CELF1: variants seen among roughly 807,000 people sequenced by gnomAD.
The protein encoded by CELF1 is CUGBP Elav-like family member 1.
In CELF1, 10 loss-of-function variants were observed where a neutral mutation model predicts 61.8. The ratio of observed to expected loss-of-function variants is 0.16; its 90% CI spans 0.10 to 0.27. The LOEUF is 0.27. Among genes scored for constraint, CELF1 ranks in the 10% least tolerant of loss-of-function variants. The pLI, the probability that CELF1 is intolerant of heterozygous loss-of-function variation, is 1.00. For synonymous variants in CELF1, 236 were observed against 225.1 expected, an observed-to-expected ratio of 1.05 and a Z score of -0.43; for missense variants, 380 against 639.1, an observed-to-expected ratio of 0.59 and a Z score of 4.37.
At chr11:47,498,921 A>C (rs1406177051) in intron 3 of CELF1, among the ~76,000 whole-genome samples, 2 of 151,072 alleles carry the variant, frequency 1.3e-5, no homozygotes, top group African/African-American at 4.9e-5. Context: ...TGTATTTTCA[A>C]TTAGACTCGG....
intron 1 of CELF1, among the ~76,000 whole-genome samples, chr11:47,530,403 AAAC>A (rs1206067736): frequency 6.6e-6 from 1 of 152,230 alleles, no homozygotes; most frequent in East Asian, 1.9e-4. Flanking sequence ...AAGGCTTAAA[AAAC>A]AAGATTGCTA....
chr11:47,501,662 C>A (rs11039265), intron 1 of CELF1, among the ~76,000 whole-genome samples: 42,274 of 148,440 alleles, frequency 0.28, 6,890 homozygotes, highest in Admixed American at 0.37. Flanking sequence ...TAAAAAATAT[C>A]AAAAAAAAAA....
At chr11:47,558,562 A>AT in intron 2 of CELF1, among the ~76,000 whole-genome samples, 1 of 113,842 alleles carries the variant, frequency 8.8e-6, no homozygotes, top group Admixed American at 1.2e-4. Context: ...ATATATTTAT[A>AT]TATAATATAT....
intron 1 of CELF1, among the ~76,000 whole-genome samples, chr11:47,549,817 TTTG>T (rs1326992178): frequency 2.2e-5 from 3 of 134,790 alleles, no homozygotes; most frequent in East Asian, 2.2e-4. Flanking sequence ...GTGGGTTTTT[TTTG>T]TTTTTTTTTT....
intron 3 of CELF1, among the ~76,000 whole-genome samples, chr11:47,497,436 G>A (rs934432496): frequency 1.3e-5 from 2 of 152,158 alleles, no homozygotes; most frequent in African/African-American, 4.8e-5. Flanking sequence ...CTGGTCTAGT[G>A]GGCAAAAATA....
chr11:47,493,077 C>T (rs956541620), intron 3 of CELF1, among the ~76,000 whole-genome samples: 27 of 152,224 alleles, frequency 1.8e-4, no homozygotes, highest in African/African-American at 5.8e-4. Flanking sequence ...TTACAGTTTA[C>T]CCAAAAGTTT....
At chr11:47,538,129 TCTCAAACTCCTGGCCTCAAG>T (rs1338460911) in intron 1 of CELF1, among the ~76,000 whole-genome samples, 2 of 151,916 alleles carry the variant, frequency 1.3e-5, no homozygotes, top group Non-Finnish European at 2.9e-5. Flanking sequence ...CCCAAGCTGG[TCTCAAACTCCTGGCCTCAAG>T]CAATCCTCTT....
At chr11:47,565,377 C>A (rs1287527407) in exon 1 of CELF1, 2 of 279,102 alleles carry the variant, frequency 7.2e-6, no homozygotes, top group Admixed American at 5.3e-5. Flanking sequence ...GCCTGCGACG[C>A]GCTCTCCCTT....
chr11:47,541,684 G>GTC (rs201773981), intron 1 of CELF1, among the ~76,000 whole-genome samples: 98,419 of 101,952 alleles, frequency 0.97, 47,618 homozygotes, highest in East Asian at 1. Flanking sequence ...GGGCGAGACT[G>GTC]TCAAAGAAAG....
intron 2 of CELF1, chr11:47,499,847 G>T: frequency 4.2e-6 from 1 of 239,526 alleles, no homozygotes; most frequent in South Asian, 9.7e-5. Flanking sequence ...AATAGTGTCA[G>T]ATCCATGAAG....
Position 47,475,374 on chromosome 11 carries a change from G to A in CELF1, c.1235C>T (p.Thr412Ile). The change falls in exon 13 of 15, where the codon ACA (threonine) becomes ATA (isoleucine). Residue 412 changes from threonine to isoleucine, a missense_variant. Physicochemically the swap from Thr to Ile is moderately conservative, Grantham distance 89 (BLOSUM62 -1). Coordinates refer to ENST00000687097, the MANE Select transcript of CELF1 (RefSeq NM_001376376.1). ...LPTLYNQNLL[T>I]QQSIGAAGSQ... ...TCCAGCAGCACCAATACTCTGCTGTGTCAGAAGATTCTGGTTGTACAGAGT... is the reference window on the plus strand; with the variant it reads ...TCCAGCAGCACCAATACTCTGCTGTATCAGAAGATTCTGGTTGTACAGAGT... The A allele has an allele frequency of 6.2e-7, 1 of 1,613,986 alleles. No individual in the cohort carries two copies. Among genetic ancestry groups the A allele is most frequent in the Non-Finnish European group, 8.5e-7 (1 of 1,180,022 alleles).
intron 1 of CELF1, among the ~76,000 whole-genome samples, chr11:47,533,809 C>A (rs1355451489): frequency 0.3 from 25,176 of 85,230 alleles, 4,458 homozygotes; most frequent in South Asian, 0.42. Context: ...GACTCTCCCC[C>A]AAAAAAAAAA....
intron 3 of CELF1, among the ~76,000 whole-genome samples, chr11:47,490,528 G>C (rs1353554002): frequency 6.7e-6 from 1 of 150,372 alleles, no homozygotes; most frequent in African/African-American, 2.5e-5. Context: ...CCAGGTTCAA[G>C]CAATTCTCCT....
At chr11:47,541,051 T>C (rs1380277274) in intron 1 of CELF1, among the ~76,000 whole-genome samples, 1 of 152,182 alleles carries the variant, frequency 6.6e-6, no homozygotes, top group Non-Finnish European at 1.5e-5. Flanking sequence ...GCTATGTGAC[T>C]GCAGTGTGAG....
At chr11:47,505,189 T>C (rs528224125) in intron 1 of CELF1, among the ~76,000 whole-genome samples, 3 of 151,486 alleles carry the variant, frequency 2.0e-5, no homozygotes, top group East Asian at 1.9e-4. Context: ...TCAGTAACAC[T>C]GACCCAACAG....
chr11:47,563,638 G>A (rs2097233788), intron 2 of CELF1, among the ~76,000 whole-genome samples: 1 of 152,146 alleles, frequency 6.6e-6, no homozygotes, highest in Non-Finnish European at 1.5e-5. Context: ...GCAGTGAGTG[G>A]AGATGGCGCC....
chr11:47,509,686 T>C (rs1414090410), intron 1 of CELF1, among the ~76,000 whole-genome samples: 2 of 150,484 alleles, frequency 1.3e-5, no homozygotes, highest in African/African-American at 4.9e-5. Context: ...AGGCCAGGAG[T>C]TCCAGACCAG....
chr11:47,530,818 G>A (rs1379057201), intron 1 of CELF1, among the ~76,000 whole-genome samples: 1 of 152,124 alleles, frequency 6.6e-6, no homozygotes, highest in East Asian at 1.9e-4. Flanking sequence ...AGCCAGGCAT[G>A]GTGGCATGTG....
rs77689899 is a variant in CELF1, at chr11:47,545,700, T to C, written c.-154+7292A>G. 0.015 allele frequency among the ~76,000 whole-genome samples: 2,267 copies of C among 152,042 alleles called. 152 individuals are homozygous for C. The East Asian group carries it at 0.18, about 12-fold the overall frequency. ...AAATTTGTAGGAAAATACAATAATT[T>C]TTGTATTTTTTGTAGAGATGAGGTC... On this transcript the variant is annotated intron_variant, in intron 1 of 14. Transcript: ENST00000687097.
Sources: gnomAD v4.1 joint callset for allele counts (sites outside exome capture counted in the v4.1 genomes callset) on GRCh38, gnomAD v4.1.1 for gene constraint, MANE v1.5 for transcripts, NCBI Gene and HGNC (gene_info 2026-07-23, HGNC 2026-07-21) for gene names.